The following HS6ST3 variants were observed in gnomAD, a reference collection of about 807,000 sequenced individuals.
HS6ST3 encodes heparan sulfate 6-O-sulfotransferase 3.
A neutral mutation model predicts 36.7 loss-of-function variants in HS6ST3; 12 were observed. That is an observed-to-expected ratio of 0.33 (90% CI 0.21 to 0.53). HS6ST3 has a LOEUF of 0.53. HS6ST3 is among the 20% of genes least tolerant of loss of function. HS6ST3 has a pLI of 0.95. For synonymous variants in HS6ST3, 240 were observed against 257.5 expected, an observed-to-expected ratio of 0.93 and a Z score of 0.65; for missense variants, 584 against 640.9, an observed-to-expected ratio of 0.91 and a Z score of 0.96.
chr13:96,557,690 C>G (rs1190776116), intron 1 of HS6ST3, among the ~76,000 whole-genome samples: 1 of 152,182 alleles, frequency 6.6e-6, no homozygotes, highest in Non-Finnish European at 1.5e-5. Context: ...AACCATGGTT[C>G]ACTTGGGTAG....
intron 1 of HS6ST3, among the ~76,000 whole-genome samples, chr13:96,247,841 C>A (rs573011889): frequency 9.9e-5 from 15 of 152,104 alleles, no homozygotes; most frequent in African/African-American, 1.9e-4. Context: ...ACAACAGGTT[C>A]ATACTTCAGC....
At chr13:96,185,979 G>A (rs1051213246) in intron 1 of HS6ST3, among the ~76,000 whole-genome samples, 7 of 152,158 alleles carry the variant, frequency 4.6e-5, no homozygotes, top group Admixed American at 4.6e-4. Flanking sequence ...GTTATATACT[G>A]TATGTTTATG....
chr13:96,125,831 C>T (rs113066564), intron 1 of HS6ST3, among the ~76,000 whole-genome samples: 6,287 of 150,892 alleles, frequency 0.042, 219 homozygotes, highest in African/African-American at 0.098. Context: ...GCACAATGTG[C>T]AGGTTAGTTA....
intron 1 of HS6ST3, among the ~76,000 whole-genome samples, chr13:96,235,617 AT>A (rs903356698): frequency 6.2e-4 from 94 of 151,958 alleles, no homozygotes; most frequent in African/African-American, 2.2e-3. Flanking sequence ...GTCCTCTATT[AT>A]TTTTTTTAAA....
At chr13:96,101,006 G>A (rs886265523) in intron 1 of HS6ST3, among the ~76,000 whole-genome samples, 3 of 152,202 alleles carry the variant, frequency 2.0e-5, no homozygotes, top group African/African-American at 7.2e-5. Flanking sequence ...GCAAAGGGCC[G>A]CTCTCCAAAG....
Position 96,184,221 on chromosome 13 carries a change from A to AAGAGAG in HS6ST3, c.707+92662_707+92667dup, listed in dbSNP as rs1555389927. On this transcript the variant is annotated intron_variant, in intron 1 of 1. Coordinates refer to ENST00000376705, the MANE Select transcript of HS6ST3 (RefSeq NM_153456.4). ...TCTCCAAAAAAAAAAAAAAAAAAAA[A>AAGAGAG]AGAGAGAGAGAGAGAAATAGAATAG... 2.7e-3 allele frequency among the ~76,000 whole-genome samples: 162 copies of AAGAGAG among 61,028 alleles called. 1 individual carries two copies. Among genetic ancestry groups the AAGAGAG allele is most frequent in the Middle Eastern group, 0.014 (1 of 74 alleles). The allele number at this position is 61,028 out of a possible 152,430, so 40.0% of individuals were successfully genotyped here. A position where few individuals can be genotyped will look rare whatever the true frequency, so the allele number is the denominator to read the frequency against.
chr13:96,608,708 C>G (rs935422594), intron 1 of HS6ST3, among the ~76,000 whole-genome samples: 3 of 152,018 alleles, frequency 2.0e-5, no homozygotes, highest in African/African-American at 7.2e-5. Flanking sequence ...TGAGCAAAAC[C>G]AGAGTAATTA....
chr13:96,801,982 T>A (rs1277005214), intron 1 of HS6ST3, among the ~76,000 whole-genome samples: 1 of 152,126 alleles, frequency 6.6e-6, no homozygotes. Context: ...GTTGGCTTCC[T>A]CTAATGGCCA....
At chr13:96,541,698 A>G (rs1056070816) in intron 1 of HS6ST3, among the ~76,000 whole-genome samples, 1 of 152,214 alleles carries the variant, frequency 6.6e-6, no homozygotes, top group African/African-American at 2.4e-5. Context: ...GCCTAGGGCC[A>G]AATGGGAGGT....
intron 1 of HS6ST3, among the ~76,000 whole-genome samples, chr13:96,108,772 A>G (rs1363884851): frequency 6.6e-6 from 1 of 152,226 alleles, no homozygotes; most frequent in South Asian, 2.1e-4. Context: ...AATAGGAAAG[A>G]TAGAAAAGAA....
In HS6ST3 at chr13:96,833,208, C is replaced by T. The variant is rs1878849441; in HGVS notation, c.*10C>T. 2.0e-6 allele frequency: 3 copies of T among 1,515,330 alleles called. No homozygotes were observed. Among genetic ancestry groups the T allele is most frequent in the Admixed American group, 4.3e-5 (2 of 46,794 alleles). The allele number at this position is 1,515,330 out of a possible 1,614,324, so 93.9% of individuals were successfully genotyped here. A position where few individuals can be genotyped will look rare whatever the true frequency, so the allele number is the denominator to read the frequency against. On this transcript the variant is annotated 3_prime_UTR_variant, in exon 2 of 2. Coordinates refer to ENST00000376705, the MANE Select transcript of HS6ST3 (RefSeq NM_153456.4). ...GGTGGTGAGATGGTGACCTCCTGCC[C>T]TCTCCTCTCTCAGGAGGGGGAGGGT...
intron 1 of HS6ST3, among the ~76,000 whole-genome samples, chr13:96,280,156 G>C (rs546625049): frequency 6.6e-6 from 1 of 152,186 alleles, no homozygotes; most frequent in African/African-American, 2.4e-5. Context: ...CTCCTGGATG[G>C]TTCTGCAAAA....
intron 1 of HS6ST3, among the ~76,000 whole-genome samples, chr13:96,175,439 T>A (rs2054207873): frequency 6.6e-6 from 1 of 152,110 alleles, no homozygotes; most frequent in Non-Finnish European, 1.5e-5. Flanking sequence ...TCAGGTTGGA[T>A]TTCTGTTTGA....
At chr13:96,406,501 T>C (rs2055479088) in intron 1 of HS6ST3, among the ~76,000 whole-genome samples, 1 of 152,210 alleles carries the variant, frequency 6.6e-6, no homozygotes, top group Non-Finnish European at 1.5e-5. Context: ...ATTGGAACTT[T>C]GGAATTAGCA....
chr13:96,426,686 T>A (rs1181334339), intron 1 of HS6ST3, among the ~76,000 whole-genome samples: 3 of 152,182 alleles, frequency 2.0e-5, no homozygotes, highest in African/African-American at 7.2e-5. Flanking sequence ...ATCTCTGGAG[T>A]CAACTGCTTC....
At chr13:96,382,964 T>C (rs997508297) in intron 1 of HS6ST3, among the ~76,000 whole-genome samples, 16 of 152,220 alleles carry the variant, frequency 1.1e-4, no homozygotes, top group Admixed American at 7.2e-4. Context: ...TCATTGTGTG[T>C]TTGTGTGTAT....
At chr13:96,478,326 C>T (rs1452374606) in intron 1 of HS6ST3, among the ~76,000 whole-genome samples, 1 of 152,012 alleles carries the variant, frequency 6.6e-6, no homozygotes, top group South Asian at 2.1e-4. Flanking sequence ...GTTTTAAGGA[C>T]GATAAGAGAA....
chr13:96,405,986 G>A (rs1180479316), intron 1 of HS6ST3, among the ~76,000 whole-genome samples: 3 of 152,190 alleles, frequency 2.0e-5, no homozygotes, highest in African/African-American at 7.2e-5. Flanking sequence ...TTTCCATTAA[G>A]ACTTTGGAGA....
At chr13:96,607,786 G>A (rs1180245917) in intron 1 of HS6ST3, among the ~76,000 whole-genome samples, 2 of 152,070 alleles carry the variant, frequency 1.3e-5, no homozygotes, top group Non-Finnish European at 2.9e-5. Flanking sequence ...TCAGATTTTT[G>A]GTTTTGAAGA....
Sources: allele counts gnomAD v4.1 joint callset (sites outside exome capture counted in the v4.1 genomes callset), GRCh38; gene constraint gnomAD v4.1.1; transcripts MANE v1.5; gene names NCBI Gene and HGNC (gene_info 2026-07-23, HGNC 2026-07-21).